The following DNASE1L3 variants were observed in gnomAD, a reference collection of about 807,000 sequenced individuals.
The protein encoded by DNASE1L3 is deoxyribonuclease 1L3.
DNASE1L3 carries 27 observed loss-of-function variants against 30.9 expected under a neutral mutation model. The observed-to-expected ratio is 0.87, with a 90% confidence interval of 0.64 to 1.20. DNASE1L3 has a LOEUF of 1.20. Among genes scored for constraint, DNASE1L3 ranks in the 50% most tolerant of loss-of-function variants. The probability of loss-of-function intolerance (pLI) is 0.00; values close to 1 mark genes in which losing one functional copy is unlikely to be tolerated. For missense variants in DNASE1L3, 364 were observed against 378.2 expected (o/e 0.96, Z 0.31); for synonymous variants, 135 against 138.0 (o/e 0.98, Z 0.15).
At position 58,206,395 on chromosome 3, in the gene DNASE1L3, A is replaced by G. The variant is rs566649721; in HGVS notation, c.231-835T>C. 2.0e-5 allele frequency among the ~76,000 whole-genome samples: 3 copies of G among 152,314 alleles called. No homozygotes were observed. The East Asian group carries it at 5.8e-4, about 29-fold the overall frequency. ...AAATTCCTGGGACTTCAGATGCAGTATGCTAAGGCAGACTTAGCCCCTGGG... is the reference window on the plus strand; with the variant it reads ...AAATTCCTGGGACTTCAGATGCAGTGTGCTAAGGCAGACTTAGCCCCTGGG... On this transcript the variant is annotated intron_variant, in intron 2 of 7. Transcript: ENST00000394549.
Position 58,210,972 on chromosome 3 carries a change from C to T in DNASE1L3, c.-66G>A. On this transcript the variant is annotated 5_prime_UTR_variant, in exon 1 of 8. Transcript: ENST00000394549. ...CAGTGCTTGGAGTGCTGGATTCTGG[C>T]CACTTCCGCAGGCTCCACTGACTTA... 1 of 1,585,630 alleles carries T rather than the reference C, an allele frequency of 6.3e-7. No individual in the cohort carries two copies.
intron 3 of DNASE1L3, 38 bp downstream of exon 3, chr3:58,205,433 T>C (rs769594461): frequency 1.3e-6 from 2 of 1,544,876 alleles, no homozygotes; most frequent in East Asian, 4.5e-5. Context: ...TCACGATTTA[T>C]TGGTGGCCAT....
In DNASE1L3 at chr3:58,194,314, C is replaced by CTTTTT. The variant is rs11358965; in HGVS notation, c.705-880_705-876dup. The stretch of plus-strand genomic sequence containing the variant: ...TTGCTAACATCACCAGCACAACTAA[C>CTTTTT]TTTTTTTTTTTTTTTTTTTTTTTTG... On this transcript the variant is annotated intron_variant, in intron 6 of 7. Coordinates refer to ENST00000394549, the MANE Select transcript of DNASE1L3 (RefSeq NM_004944.4). 3.4e-3 allele frequency among the ~76,000 whole-genome samples: 299 copies of CTTTTT among 89,058 alleles called. 7 individuals are homozygous for CTTTTT. Among genetic ancestry groups the CTTTTT allele is most frequent in the Non-Finnish European group, 4.2e-3 (209 of 49,356 alleles). The allele number at this position is 89,058 out of a possible 152,430, so 58.4% of individuals were successfully genotyped here.
Position 58,205,405 on chromosome 3 carries a change from C to T in DNASE1L3, c.320+66G>A, listed in dbSNP as rs2097403226. 55 of 1,399,592 alleles carry T rather than the reference C, an allele frequency of 3.9e-5. No homozygotes were observed. In the South Asian group the frequency reaches 6.3e-4, roughly 16 times the overall value. The allele number at this position is 1,399,592 out of a possible 1,614,324, so 86.7% of individuals were successfully genotyped here. ...TCAAAATTTGGTTTTGAAGAAAAGA[C>T]ATGCATTTTGATTCAATTCACGATT... On this transcript the variant is annotated intron_variant, in intron 3 of 7. Transcript: ENST00000394549.
At chr3:58,204,176 T>C (rs1033134975) in intron 4 of DNASE1L3, among the ~76,000 whole-genome samples, 3 of 150,296 alleles carry the variant, frequency 2.0e-5, no homozygotes, top group African/African-American at 7.4e-5. Context: ...AGTCTCACTC[T>C]ATCGCCCAAG....
At chr3:58,195,236 C>T (rs1324804528) in intron 6 of DNASE1L3, among the ~76,000 whole-genome samples, 2 of 152,126 alleles carry the variant, frequency 1.3e-5, no homozygotes, top group South Asian at 2.1e-4. Context: ...ATTTTTAAAA[C>T]ATCATTTTTA....
rs2097405328 is a variant in DNASE1L3 at position 58,208,217 on chromosome 3, C to T, written c.230+1G>A. The T allele has an allele frequency of 6.2e-7, 1 of 1,613,910 alleles. No individual in the cohort carries two copies. Among genetic ancestry groups the T allele is most frequent in the South Asian group, 1.1e-5 (1 of 91,066 alleles). ...AGAGGGCCCACCCTTCCCCATGTTA[C>T]CTGTTCAGCTTCTCCATCAGTATGG... On this transcript the variant is annotated splice_donor_variant, in intron 2 of 7. Transcript: ENST00000394549. LOFTEE classifies it high-confidence loss of function.
At chr3:58,194,625 C>T (rs2097396082) in intron 6 of DNASE1L3, among the ~76,000 whole-genome samples, 1 of 79,486 alleles carries the variant, frequency 1.3e-5, no homozygotes. Flanking sequence ...AGGGCTACGG[C>T]TTTTTTTTTT....
rs1020884567 is a variant in DNASE1L3, at chr3:58,200,726, C to G, written c.546+271G>C. On this transcript the variant is annotated intron_variant, in intron 5 of 7. Coordinates refer to ENST00000394549, the MANE Select transcript of DNASE1L3 (RefSeq NM_004944.4). This position sits in a 1 kb window ranked among gnomAD's most constrained non-coding sequence, Gnocchi z 4.2. ...AACTTGTCCATGTCAAGTCTCAGCACAGTGCCTGGCACTAGCTATTCACTC... is the reference window on the plus strand; with the variant it reads ...AACTTGTCCATGTCAAGTCTCAGCAGAGTGCCTGGCACTAGCTATTCACTC... Among the ~76,000 whole-genome samples, 5 of 152,250 alleles carry G rather than the reference C, an allele frequency of 3.3e-5. No individual in the cohort carries two copies. Among genetic ancestry groups the G allele is most frequent in the Non-Finnish European group, 7.3e-5 (5 of 68,050 alleles).
intron 4 of DNASE1L3, 98 bp downstream of exon 4, chr3:58,204,671 C>A: frequency 2.1e-6 from 2 of 947,238 alleles, no homozygotes; most frequent in East Asian, 2.6e-5. Context: ...ACTGTCACAT[C>A]CAGCCTAATG....
intron 6 of DNASE1L3, among the ~76,000 whole-genome samples, chr3:58,193,862 G>C (rs1447295745): frequency 6.6e-6 from 1 of 152,212 alleles, no homozygotes; most frequent in African/African-American, 2.4e-5. Context: ...CGTGTTGACA[G>C]AGAGTAGGCT....
At chr3:58,201,735 G>A (rs917643152) in intron 4 of DNASE1L3, among the ~76,000 whole-genome samples, 1 of 152,200 alleles carries the variant, frequency 6.6e-6, no homozygotes, top group Non-Finnish European at 1.5e-5. Context: ...AGATTGTGTG[G>A]TCTGGCTCCA....
rs1289818454 is a variant in DNASE1L3 at position 58,192,826 on chromosome 3, G to A, written c.802-23C>T. 1.9e-6 allele frequency: 3 copies of A among 1,605,380 alleles called. No homozygotes were observed. The highest frequency in any genetic ancestry group is 2.5e-6 in the Non-Finnish European group (3 of 1,177,922). ...GGCCTATAAGGAGAAAGGGGAGGTA[G>A]ACATGGAAATTAGGAGATGCCTGGG... On this transcript the variant is annotated intron_variant, in intron 7 of 7. Coordinates refer to ENST00000394549, the MANE Select transcript of DNASE1L3 (RefSeq NM_004944.4). The surrounding 1 kb of genome is among the most constrained non-coding windows in gnomAD (Gnocchi z 4.8).
In DNASE1L3 at chr3:58,200,827, T is replaced by C. The variant is rs1316714854; in HGVS notation, c.546+170A>G. On this transcript the variant is annotated intron_variant, in intron 5 of 7. Transcript: ENST00000394549. The surrounding 1 kb of genome is among the most constrained non-coding windows in gnomAD (Gnocchi z 4.2). ...CCCACATGCAGGGTACCCAGGCAGA[T>C]TTAGCAAAAGGGATACTTAGGGCTG... Among the ~76,000 whole-genome samples the C allele has an allele frequency of 6.6e-6, 1 of 152,170 alleles. No homozygotes were observed.
chr3:58,193,539 T>C (rs916790251), intron 6 of DNASE1L3, 100 bp from the exon 7 acceptor site: 7 of 1,057,650 alleles, frequency 6.6e-6, no homozygotes, highest in Non-Finnish European at 9.8e-6. Flanking sequence ...CCGAGCAGTC[T>C]GGCCCTTTCA....
At chr3:58,193,554 G>A in intron 6 of DNASE1L3, 115 bp from the exon 7 acceptor site, 3 of 857,608 alleles carry the variant, frequency 3.5e-6, no homozygotes, top group Non-Finnish European at 5.5e-6. Context: ...CTTTCATGTG[G>A]CGCTCAAAGT....
chr3:58,200,940 C>T lies in DNASE1L3; in HGVS notation c.546+57G>A, dbSNP rs1221201984. 6.8e-7 allele frequency: 1 copy of T among 1,471,068 alleles called. No homozygotes were observed. Among genetic ancestry groups the T allele is most frequent in the Non-Finnish European group, 9.4e-7 (1 of 1,062,248 alleles). 91.1% of individuals were successfully genotyped at this position (1,471,068 alleles called of 1,614,324 possible). ...TCCCTGGAGAGGTACTCATCCCACT[C>T]AGGGACCAGAGCCTGCCCCTGCTAG... On this transcript the variant is annotated intron_variant, in intron 5 of 7. Transcript: ENST00000394549. This position sits in a 1 kb window ranked among gnomAD's most constrained non-coding sequence, Gnocchi z 4.2.
intron 3 of DNASE1L3, among the ~76,000 whole-genome samples, 165 bp from the exon 4 acceptor site, chr3:58,205,046 G>A (rs111337949): frequency 2.2e-4 from 34 of 152,342 alleles, no homozygotes; most frequent in African/African-American, 7.2e-4. Flanking sequence ...TCAACAGCCA[G>A]GGAGCTGTTG....
At chr3:58,198,683 C>G (rs981216292) in intron 5 of DNASE1L3, among the ~76,000 whole-genome samples, 1 of 152,156 alleles carries the variant, frequency 6.6e-6, no homozygotes, top group Non-Finnish European at 1.5e-5. Flanking sequence ...TTCAGTGAAT[C>G]TATTCCCTCA....
Sources: gnomAD v4.1 joint callset for allele counts (sites outside exome capture counted in the v4.1 genomes callset) on GRCh38, gnomAD v4.1.1 for gene constraint, Gnocchi (gnomAD v3.1) non-coding constraint, MANE v1.5 for transcripts, NCBI Gene and HGNC (gene_info 2026-07-23, HGNC 2026-07-21) for gene names.